Variants in MLIP observed in about 807,000 individuals in gnomAD.
The protein encoded by MLIP is muscular LMNA-interacting protein.
A neutral mutation model predicts 84.8 loss-of-function variants in MLIP; 79 were observed. The observed-to-expected ratio is 0.93, with a 90% CI of 0.78 to 1.12. The LOEUF (loss-of-function observed/expected upper bound fraction) is 1.12. Ranked by LOEUF, MLIP falls within the 50% of genes most tolerant of loss-of-function variation. MLIP has a pLI of 0.00. For missense variants in MLIP, 1,257 were observed against 1,160.6 expected (o/e 1.08, Z -1.21); for synonymous variants, 504 against 463.0 (o/e 1.09, Z -1.14).
At chr6:54,097,145 G>A (rs1158920351) in intron 1 of MLIP, among the ~76,000 whole-genome samples, 1 of 152,170 alleles carries the variant, frequency 6.6e-6, no homozygotes, top group Non-Finnish European at 1.5e-5. Flanking sequence ...CCCCAAAATA[G>A]ATGTTTGCTT....
At position 54,234,105 on chromosome 6, in the gene MLIP, A is replaced by G. The variant is rs189269429; in HGVS notation, c.2922+3188A>G. On this transcript the variant is annotated intron_variant, in intron 12 of 13. Transcript: ENST00000502396. Reference sequence around the variant, plus strand: ...GTAGATTCTGGATATTAGCCCTTTGACAGAAGGATAGATTGCAAAAATTCT... The same window carrying G: ...GTAGATTCTGGATATTAGCCCTTTGGCAGAAGGATAGATTGCAAAAATTCT... Among the ~76,000 whole-genome samples, 16 of 152,012 alleles carry G rather than the reference A, an allele frequency of 1.1e-4. No individual in the cohort carries two copies. In the East Asian group the frequency reaches 3.1e-3, roughly 29 times the overall value.
At chr6:54,092,498 A>T (rs1208930393) in intron 1 of MLIP, among the ~76,000 whole-genome samples, 2 of 152,140 alleles carry the variant, frequency 1.3e-5, no homozygotes, top group Non-Finnish European at 2.9e-5. Context: ...CGTAAAAGTC[A>T]GGCGAGTTTT....
At chr6:54,023,609 G>C (rs956527737) in intron 1 of MLIP, among the ~76,000 whole-genome samples, 2 of 151,552 alleles carry the variant, frequency 1.3e-5, no homozygotes, top group African/African-American at 4.9e-5. Context: ...CACTCTTGTC[G>C]CCCAGCCTGG....
chr6:54,124,422 A>G (rs1210764570), intron 2 of MLIP, 51 bp from the exon 3 acceptor site: 2 of 1,513,886 alleles, frequency 1.3e-6, no homozygotes, highest in African/African-American at 2.8e-5. Flanking sequence ...CCAAAAAAGA[A>G]GCATTTATTA....
chr6:54,125,413 G>A (rs1263363833), intron 3 of MLIP, among the ~76,000 whole-genome samples: 2 of 152,158 alleles, frequency 1.3e-5, no homozygotes, highest in Non-Finnish European at 2.9e-5. Flanking sequence ...CCACAAGGCT[G>A]GGGTTGACCT....
intron 9 of MLIP, among the ~76,000 whole-genome samples, chr6:54,169,776 A>G (rs1445137554): frequency 3.3e-5 from 5 of 151,696 alleles, no homozygotes; most frequent in Admixed American, 1.3e-4. Context: ...ATTTGTCCTT[A>G]AGTGAGGTCT....
chr6:54,078,634 C>T (rs1766948560), intron 1 of MLIP, among the ~76,000 whole-genome samples: 1 of 151,246 alleles, frequency 6.6e-6, no homozygotes, highest in Non-Finnish European at 1.5e-5. Flanking sequence ...ATAGGAGGCA[C>T]AATGGACTAA....
intron 1 of MLIP, among the ~76,000 whole-genome samples, chr6:54,104,724 C>A (rs1236226902): frequency 6.6e-5 from 10 of 151,652 alleles, no homozygotes; most frequent in African/African-American, 2.4e-4. Context: ...CCTTTTTTTT[C>A]CCCCAAACTG....
intron 4 of MLIP, among the ~76,000 whole-genome samples, chr6:54,142,250 C>T (rs1023648008): frequency 4.6e-5 from 7 of 152,132 alleles, no homozygotes; most frequent in Non-Finnish European, 1.0e-4. Flanking sequence ...GATGCCTGTT[C>T]AAAGACAGTT....
chr6:54,204,464 C>G (rs1291875878), intron 11 of MLIP, among the ~76,000 whole-genome samples: 1 of 152,086 alleles, frequency 6.6e-6, no homozygotes, highest in Non-Finnish European at 1.5e-5. Flanking sequence ...GAAAATCAAA[C>G]CACTAACAGT....
chr6:54,062,002 G>A (rs566263057), intron 1 of MLIP, among the ~76,000 whole-genome samples: 3 of 151,996 alleles, frequency 2.0e-5, no homozygotes, highest in Non-Finnish European at 4.4e-5. Flanking sequence ...CCCTCTACAC[G>A]TTTTAAAAAT....
At chr6:54,124,969 T>G in intron 3 of MLIP, 104 bp downstream of exon 3, 1 of 975,564 alleles carries the variant, frequency 1.0e-6, no homozygotes, top group East Asian at 2.8e-5. Context: ...AGACAAAACT[T>G]TCAAAGAAAA....
intron 11 of MLIP, among the ~76,000 whole-genome samples, chr6:54,221,805 A>G (rs1284569491): frequency 1.3e-5 from 2 of 152,176 alleles, no homozygotes; most frequent in Non-Finnish European, 2.9e-5. Flanking sequence ...ACAAAATATT[A>G]CTCTTTTTAA....
At chr6:54,025,004 ATTTT>A (rs79753738) in intron 1 of MLIP, among the ~76,000 whole-genome samples, 8 of 139,982 alleles carry the variant, frequency 5.7e-5, no homozygotes, top group African/African-American at 8.0e-5. Flanking sequence ...TGCCCAGCTA[ATTTT>A]TTTTTTTTTT....
chr6:54,023,797 T>C (rs181066582), intron 1 of MLIP, among the ~76,000 whole-genome samples: 2 of 152,262 alleles, frequency 1.3e-5, no homozygotes, highest in African/African-American at 4.8e-5. Flanking sequence ...CTCAAATTCC[T>C]GACCTCAGGT....
chr6:54,149,182 T>A, intron 5 of MLIP, 55 bp downstream of exon 5: 1 of 1,485,728 alleles, frequency 6.7e-7, no homozygotes, highest in Non-Finnish European at 9.3e-7. Flanking sequence ...ATTTTTAAAA[T>A]GTTTTCTAAA....
intron 1 of MLIP, among the ~76,000 whole-genome samples, chr6:54,048,984 G>A (rs182709660): frequency 6.6e-6 from 1 of 152,308 alleles, no homozygotes; most frequent in East Asian, 1.9e-4. Context: ...AGATAAAAAT[G>A]CTGATGTCCT....
At chr6:54,023,200 T>C (rs373434018) in intron 1 of MLIP, among the ~76,000 whole-genome samples, 1 of 150,778 alleles carries the variant, frequency 6.6e-6, no homozygotes, top group Non-Finnish European at 1.5e-5. Context: ...ATAATAATGA[T>C]AACAAGAAGA....
At chr6:54,089,605 G>A (rs1767727101) in intron 1 of MLIP, among the ~76,000 whole-genome samples, 1 of 152,008 alleles carries the variant, frequency 6.6e-6, no homozygotes, top group African/African-American at 2.4e-5. Context: ...CTGACCCTTT[G>A]AGCCTTTCAG....
Sources: allele counts gnomAD v4.1 joint callset (sites outside exome capture counted in the v4.1 genomes callset), GRCh38; gene constraint gnomAD v4.1.1; transcripts MANE v1.5; gene names NCBI Gene and HGNC (gene_info 2026-07-23, HGNC 2026-07-21).